Variants in KAT6B observed in about 807,000 individuals in gnomAD.
The protein encoded by KAT6B is lysine acetyltransferase 6B, also known as histone acetyltransferase KAT6B.
Under a neutral mutation model 187.5 loss-of-function variants are expected in KAT6B, and 10 were observed. The observed-to-expected ratio is 0.05, with a 90% CI of 0.03 to 0.09. The LOEUF (loss-of-function observed/expected upper bound fraction) is 0.09, where lower values mean the gene tolerates loss of function less well. Ranked by LOEUF, KAT6B falls within the 10% of genes least tolerant of loss-of-function variation. The probability of loss-of-function intolerance (pLI) is 1.00; values close to 1 mark genes in which losing one functional copy is unlikely to be tolerated. For synonymous variants in KAT6B, 861 were observed against 926.8 expected, an observed-to-expected ratio of 0.93 and a Z score of 1.29; for missense variants, 1,952 against 2,558.9, an observed-to-expected ratio of 0.76 and a Z score of 5.12.
At chr10:74,917,205 T>C (rs930274316) in intron 3 of KAT6B, among the ~76,000 whole-genome samples, 10 of 152,224 alleles carry the variant, frequency 6.6e-5, no homozygotes, top group African/African-American at 2.2e-4. Context: ...TTTAGATTTA[T>C]AGGAAAGTTG....
intron 3 of KAT6B, among the ~76,000 whole-genome samples, chr10:74,909,901 A>G (rs1847068352): frequency 6.6e-6 from 1 of 152,032 alleles, no homozygotes; most frequent in Non-Finnish European, 1.5e-5. Context: ...TCAAGGGAGG[A>G]GTGAGTACAT....
At chr10:74,836,402 T>G (rs1841311872) in intron 1 of KAT6B, among the ~76,000 whole-genome samples, 1 of 152,250 alleles carries the variant, frequency 6.6e-6, no homozygotes, top group Admixed American at 6.5e-5. Flanking sequence ...AACAGTGCTT[T>G]GCTATTTCTT....
chr10:74,985,574 A>C (rs753156412), intron 12 of KAT6B, among the ~76,000 whole-genome samples: 37 of 152,174 alleles, frequency 2.4e-4, no homozygotes, highest in Non-Finnish European at 3.2e-4. Context: ...AGTTTAGTGT[A>C]GCATTTAAGA....
chr10:74,871,883 A>G (rs866221247), intron 3 of KAT6B, among the ~76,000 whole-genome samples: 1 of 152,164 alleles, frequency 6.6e-6, no homozygotes, highest in Non-Finnish European at 1.5e-5. Context: ...GTGGTGTCCT[A>G]ACTCTCTCTA....
intron 3 of KAT6B, among the ~76,000 whole-genome samples, chr10:74,937,360 A>G (rs1472486196): frequency 6.6e-6 from 1 of 152,236 alleles, no homozygotes; most frequent in Non-Finnish European, 1.5e-5. Context: ...CATCATCATC[A>G]TAATAGTCTC....
At chr10:74,872,102 A>C (rs1185424741) in intron 3 of KAT6B, among the ~76,000 whole-genome samples, 4 of 152,184 alleles carry the variant, frequency 2.6e-5, no homozygotes, top group Non-Finnish European at 4.4e-5. Context: ...ACCTAAGGGA[A>C]ATGCCCGGCA....
intron 3 of KAT6B, among the ~76,000 whole-genome samples, chr10:74,959,142 C>T (rs1260299218): frequency 6.6e-6 from 1 of 152,054 alleles, no homozygotes; most frequent in Admixed American, 6.6e-5. Context: ...TGAAGACCTT[C>T]GTGGCACAAA....
At chr10:74,990,415 G>A (rs1480930427) in intron 13 of KAT6B, among the ~76,000 whole-genome samples, 1 of 151,846 alleles carries the variant, frequency 6.6e-6, no homozygotes, top group African/African-American at 2.4e-5. Flanking sequence ...TATATTGTTA[G>A]GTATTAAAAG....
chr10:74,867,859 A>G (rs950761102), intron 3 of KAT6B, among the ~76,000 whole-genome samples: 10 of 152,232 alleles, frequency 6.6e-5, no homozygotes, highest in Non-Finnish European at 1.0e-4. Flanking sequence ...CAACAAAGCA[A>G]TATTGAAAGC....
intron 13 of KAT6B, among the ~76,000 whole-genome samples, chr10:75,011,933 G>T (rs1353597067): frequency 1.3e-5 from 2 of 152,148 alleles, no homozygotes; most frequent in East Asian, 3.9e-4. Flanking sequence ...CTATAGCCCT[G>T]TGAGGTGGCA....
At position 74,985,201 on chromosome 10, in the gene KAT6B, A is replaced by T. The variant is rs746792857; in HGVS notation, c.2495A>T (p.Asn832Ile). The T allele has an allele frequency of 8.9e-5, 144 of 1,614,042 alleles. No individual in the cohort carries two copies. In the Admixed American group the frequency reaches 1.2e-3, roughly 13 times the overall value. ...EPFLFYVLTKNDEKGCHLVGY... is the reference protein window; with the variant it reads ...EPFLFYVLTKIDEKGCHLVGY... Reference sequence around the variant, plus strand: ...TTCCTTTTTTATGTCCTTACAAAAAATGATGAAAAGGGCTGTCATCTGGTT... The same window carrying T: ...TTCCTTTTTTATGTCCTTACAAAAATTGATGAAAAGGGCTGTCATCTGGTT... Residue 832 changes from asparagine (N) to isoleucine (I), a missense_variant, in exon 12 of 18, where the codon AAT becomes ATT. Asn to Ile is a moderately radical substitution (Grantham distance 149). Around this residue, in one of 9 missense-constraint regions of KAT6B, gnomAD observed 87 missense variants for 191.8 expected, o/e 0.45. Transcript: ENST00000287239.
rs1444272290 is a variant in KAT6B at position 74,848,180 on chromosome 10, A to G, written c.621+4702A>G. On this transcript the variant is annotated intron_variant, in intron 3 of 17. Coordinates refer to ENST00000287239, the MANE Select transcript of KAT6B (RefSeq NM_012330.4). ...GTGATCCACCCACCTCAGCCTCCCAAAGTGCTGGGATTATAGGCATGAGCC... is the reference window on the plus strand; with the variant it reads ...GTGATCCACCCACCTCAGCCTCCCAGAGTGCTGGGATTATAGGCATGAGCC... Among the ~76,000 whole-genome samples the G allele has an allele frequency of 2.0e-5, 3 of 151,936 alleles. No homozygotes were observed. In the East Asian group the frequency reaches 5.8e-4, roughly 29 times the overall value.
chr10:74,855,829 C>T (rs1481950250), intron 3 of KAT6B, among the ~76,000 whole-genome samples: 1 of 152,042 alleles, frequency 6.6e-6, no homozygotes, highest in Non-Finnish European at 1.5e-5. Context: ...TTGCCACATT[C>T]TTTCTCTTCC....
At chr10:74,927,452 CTTTTTTTTTT>C (rs11479404) in intron 3 of KAT6B, among the ~76,000 whole-genome samples, 182 of 116,660 alleles carry the variant, frequency 1.6e-3, no homozygotes, top group Middle Eastern at 8.3e-3. Flanking sequence ...TGCAAGAAAC[CTTTTTTTTTT>C]TTTTTTTTTT....
intron 3 of KAT6B, among the ~76,000 whole-genome samples, chr10:74,940,001 A>G (rs1318020024): frequency 6.6e-6 from 1 of 152,136 alleles, no homozygotes; most frequent in African/African-American, 2.4e-5. Context: ...GACTGCTGCA[A>G]CTTCTTTTTT....
intron 3 of KAT6B, among the ~76,000 whole-genome samples, chr10:74,904,851 C>G (rs1846645761): frequency 6.6e-6 from 1 of 152,058 alleles, no homozygotes; most frequent in Non-Finnish European, 1.5e-5. Flanking sequence ...GGAGGAATTT[C>G]TTCATCTTAG....
At chr10:74,882,958 G>A (rs1298560126) in intron 3 of KAT6B, among the ~76,000 whole-genome samples, 1 of 152,138 alleles carries the variant, frequency 6.6e-6, no homozygotes, top group African/African-American at 2.4e-5. Flanking sequence ...ATCAAAAACA[G>A]CTAAGTAAAA....
intron 4 of KAT6B, among the ~76,000 whole-genome samples, chr10:74,963,982 A>G (rs1258308969): frequency 6.6e-6 from 1 of 151,906 alleles, no homozygotes; most frequent in Non-Finnish European, 1.5e-5. Context: ...AAAAAAAAAA[A>G]TTAGCCGGGC....
At chr10:74,830,731 C>CAT (rs1198969374) in intron 1 of KAT6B, among the ~76,000 whole-genome samples, 1,061 of 17,166 alleles carry the variant, frequency 0.062, 55 homozygotes, top group Non-Finnish European at 0.079. Flanking sequence ...CACAGCTCTT[C>CAT]ATATATATAT....
Sources: gnomAD v4.1 joint callset for allele counts (sites outside exome capture counted in the v4.1 genomes callset) on GRCh38, gnomAD v4.1.1 for gene constraint, gnomAD v4.1.1 regional missense constraint, MANE v1.5 for transcripts, NCBI Gene and HGNC (gene_info 2026-07-23, HGNC 2026-07-21) for gene names.